ATXN1: variants seen among roughly 807,000 people sequenced by gnomAD.
ATXN1 encodes ataxin 1.
In ATXN1, 8 loss-of-function variants were observed where a neutral mutation model predicts 56.4. The observed-to-expected ratio is 0.14, with a 90% CI of 0.08 to 0.26. The LOEUF (loss-of-function observed/expected upper bound fraction) is 0.26. Among genes scored for constraint, ATXN1 ranks in the 10% least tolerant of loss-of-function variants. The pLI, the probability that ATXN1 is intolerant of heterozygous loss-of-function variation, is 1.00. For synonymous variants in ATXN1, 514 were observed against 494.6 expected, an observed-to-expected ratio of 1.04 and a Z score of -0.52; for missense variants, 987 against 1,106.5, an observed-to-expected ratio of 0.89 and a Z score of 1.53.
intron 6 of ATXN1, among the ~76,000 whole-genome samples, chr6:16,359,213 G>A (rs888511081): frequency 6.6e-6 from 1 of 152,210 alleles, no homozygotes; most frequent in African/African-American, 2.4e-5. Context: ...TCCCCAATTA[G>A]GCCCCACCTT....
At chr6:16,696,623 T>C (rs751100266) in intron 2 of ATXN1, among the ~76,000 whole-genome samples, 1 of 152,198 alleles carries the variant, frequency 6.6e-6, no homozygotes, top group Non-Finnish European at 1.5e-5. Flanking sequence ...AAATCTTTAC[T>C]AGAGAAATAT....
At chr6:16,481,799 T>C (rs1760445493) in intron 6 of ATXN1, among the ~76,000 whole-genome samples, 1 of 152,026 alleles carries the variant, frequency 6.6e-6, no homozygotes, top group Non-Finnish European at 1.5e-5. Context: ...TTCAGGCCCA[T>C]CCCTACTTTG....
At chr6:16,676,705 C>A (rs1266679759) in intron 2 of ATXN1, among the ~76,000 whole-genome samples, 1 of 152,160 alleles carries the variant, frequency 6.6e-6, no homozygotes, top group African/African-American at 2.4e-5. Context: ...TGATTCCCAA[C>A]TCACAAATTA....
At chr6:16,623,247 G>A (rs1302355069) in intron 3 of ATXN1, among the ~76,000 whole-genome samples, 2 of 152,152 alleles carry the variant, frequency 1.3e-5, no homozygotes, top group African/African-American at 4.8e-5. Context: ...GAGTCACAGG[G>A]TATACACATT....
intron 4 of ATXN1, among the ~76,000 whole-genome samples, chr6:16,543,862 C>A (rs1761762725): frequency 7.4e-6 from 1 of 135,262 alleles, no homozygotes; most frequent in Non-Finnish European, 1.5e-5. Flanking sequence ...CCTGGGAGTA[C>A]TCAAGGGTCT....
At chr6:16,605,682 G>C (rs1224074826) in intron 3 of ATXN1, among the ~76,000 whole-genome samples, 1 of 152,168 alleles carries the variant, frequency 6.6e-6, no homozygotes, top group Non-Finnish European at 1.5e-5. Flanking sequence ...TCAGTAAGAA[G>C]ATTAGCAGGA....
At position 16,734,322 on chromosome 6, in the gene ATXN1, G is replaced by A. The variant is rs543481138; in HGVS notation, c.-615+18911C>T. On this transcript the variant is annotated intron_variant, in intron 2 of 7. Transcript: ENST00000436367. ...ACTAGTCATGACACTGGGCATCCCC[G>A]CAAGGAACGCTCGCCTTCACTTTTT... Among the ~76,000 whole-genome samples, 15 of 152,162 alleles carry A rather than the reference G, an allele frequency of 9.9e-5. 1 individual carries two copies. The highest frequency in any genetic ancestry group is 4.2e-4 in the South Asian group (2 of 4,812).
At chr6:16,579,454 C>T (rs1388766522) in intron 4 of ATXN1, among the ~76,000 whole-genome samples, 1 of 126,730 alleles carries the variant, frequency 7.9e-6, no homozygotes, top group Non-Finnish European at 1.6e-5. Flanking sequence ...CTTGGAAGCA[C>T]AGGGTCACTG....
At chr6:16,418,561 TTTTA>T (rs1484765816) in intron 6 of ATXN1, among the ~76,000 whole-genome samples, 1 of 152,092 alleles carries the variant, frequency 6.6e-6, no homozygotes, top group African/African-American at 2.4e-5. Context: ...TTTTATTTTA[TTTTA>T]TTATTATTAT....
Position 16,682,815 on chromosome 6 carries a change from G to T in ATXN1, c.-614-24914C>A, listed in dbSNP as rs369203550. 1.3e-4 allele frequency among the ~76,000 whole-genome samples: 20 copies of T among 152,296 alleles called. No homozygotes were observed. In the East Asian group the frequency reaches 3.5e-3, roughly 26 times the overall value. On this transcript the variant is annotated intron_variant, in intron 2 of 7. Coordinates refer to ENST00000436367, the MANE Select transcript of ATXN1 (RefSeq NM_001128164.2). ...AACATAAGCAAGAGACTTCCTAAGA[G>T]TGTTTTATAGTATTTTACATGGCAA...
intron 6 of ATXN1, among the ~76,000 whole-genome samples, chr6:16,443,921 C>T (rs181620097): frequency 6.6e-6 from 1 of 152,076 alleles, no homozygotes; most frequent in African/African-American, 2.4e-5. Flanking sequence ...TCGAGACCAT[C>T]CTGGCTAACA....
intron 5 of ATXN1, among the ~76,000 whole-genome samples, chr6:16,504,356 A>G (rs1442687979): frequency 6.6e-6 from 1 of 152,176 alleles, no homozygotes; most frequent in Non-Finnish European, 1.5e-5. Flanking sequence ...CAACACACAT[A>G]GCTTATATAT....
In ATXN1 at chr6:16,355,651, T is replaced by C. The variant is rs868693217; in HGVS notation, c.-160-27181A>G. Among the ~76,000 whole-genome samples the C allele has an allele frequency of 2.2e-4, 33 of 151,900 alleles. 1 individual carries two copies. Among genetic ancestry groups the C allele is most frequent in the Admixed American group, 4.6e-4 (7 of 15,232 alleles). ...ATCTCGGCTCACTGCAACCTCTGCC[T>C]CCCAGGTTCAAACAATTCTCCTGCC... On this transcript the variant is annotated intron_variant, in intron 6 of 7. Transcript: ENST00000436367.
At position 16,314,849 on chromosome 6, in the gene ATXN1, G is replaced by A. The variant is rs538050826; in HGVS notation, c.1918-7990C>T. On this transcript the variant is annotated intron_variant, in intron 7 of 7. Coordinates refer to ENST00000436367, the MANE Select transcript of ATXN1 (RefSeq NM_001128164.2). ...TGGTCTTGAACTCCTGACCTCAAGT[G>A]ATCTGCCTGCCTTGGCCTCCTAAAG... 2.0e-5 allele frequency among the ~76,000 whole-genome samples: 3 copies of A among 152,238 alleles called. No individual in the cohort carries two copies. In the South Asian group the frequency reaches 6.2e-4, roughly 32 times the overall value.
At chr6:16,638,850 C>T (rs1012996761) in intron 3 of ATXN1, among the ~76,000 whole-genome samples, 3 of 152,188 alleles carry the variant, frequency 2.0e-5, no homozygotes, top group African/African-American at 7.2e-5. Flanking sequence ...AACCCATCTG[C>T]AGGTTCCTAA....
At chr6:16,539,643 C>T (rs760096472) in intron 4 of ATXN1, among the ~76,000 whole-genome samples, 11 of 152,172 alleles carry the variant, frequency 7.2e-5, no homozygotes, top group African/African-American at 1.7e-4. Context: ...ACTCTCACAC[C>T]GATTTACCTT....
chr6:16,619,989 G>A (rs1763289040), intron 3 of ATXN1, among the ~76,000 whole-genome samples: 1 of 152,076 alleles, frequency 6.6e-6, no homozygotes, highest in African/African-American at 2.4e-5. Flanking sequence ...CTGTCAAATG[G>A]GGCTAATAAC....
In ATXN1 at chr6:16,477,686, A is replaced by G. The variant is rs148269687; in HGVS notation, c.-161+8286T>C. Among the ~76,000 whole-genome samples the G allele has an allele frequency of 6.2e-4, 94 of 152,268 alleles. No individual in the cohort carries two copies. The East Asian group carries it at 0.016, about 27-fold the overall frequency. On this transcript the variant is annotated intron_variant, in intron 6 of 7. Transcript: ENST00000436367. ...ATGCCAGTGCTGATAAACAAGCAAA[A>G]CATTAACCTAATTCACAAGAAAAAC...
chr6:16,417,441 A>ATTTTTT (rs1188606545), intron 6 of ATXN1, among the ~76,000 whole-genome samples: 5 of 136,522 alleles, frequency 3.7e-5, no homozygotes, highest in South Asian at 2.7e-4. Flanking sequence ...CAAGTTTCTT[A>ATTTTTT]TTTTTTTTTT....
Sources: gnomAD v4.1 joint callset for allele counts (sites outside exome capture counted in the v4.1 genomes callset) on GRCh38, gnomAD v4.1.1 for gene constraint, MANE v1.5 for transcripts, NCBI Gene and HGNC (gene_info 2026-07-23, HGNC 2026-07-21) for gene names.